The following ULK4 variants were observed in gnomAD, a reference collection of about 807,000 sequenced individuals.
The protein encoded by ULK4 is unc-51 like kinase 4.
A neutral mutation model predicts 160.6 loss-of-function variants in ULK4; 133 were observed. The observed-to-expected ratio is 0.83, with a 90% CI of 0.72 to 0.96. The LOEUF (loss-of-function observed/expected upper bound fraction) is 0.96. Among genes scored for constraint, ULK4 ranks in the 40% least tolerant of loss-of-function variants. ULK4 has a pLI of 0.00. For missense variants in ULK4, 1,580 were observed against 1,499.5 expected, an observed-to-expected ratio of 1.05 and a Z score of -0.89; for synonymous variants, 534 against 539.8, an observed-to-expected ratio of 0.99 and a Z score of 0.15.
intron 19 of ULK4, among the ~76,000 whole-genome samples, chr3:41,817,455 A>C (rs546167556): frequency 1.3e-5 from 2 of 152,306 alleles, no homozygotes; most frequent in Admixed American, 1.3e-4. Flanking sequence ...AAAATTATAA[A>C]ATCATGTTCT....
At chr3:41,914,732 G>A (rs995219064) in intron 8 of ULK4, 1 of 152,118 alleles carries the variant, frequency 6.6e-6, no homozygotes, top group Non-Finnish European at 1.5e-5. Flanking sequence ...AAAATGACCA[G>A]GCAGCCAGGT....
At chr3:41,576,751 A>T (rs112357418) in intron 31 of ULK4, among the ~76,000 whole-genome samples, 1 of 152,236 alleles carries the variant, frequency 6.6e-6, no homozygotes, top group South Asian at 2.1e-4. Context: ...CAGATTTTTT[A>T]TTTTAAGTAA....
chr3:41,453,588 T>C (rs1398273812), intron 34 of ULK4, among the ~76,000 whole-genome samples: 1 of 152,216 alleles, frequency 6.6e-6, no homozygotes, highest in Non-Finnish European at 1.5e-5. Context: ...AACTTCATTT[T>C]ACAGATGAAG....
At chr3:41,436,120 C>T (rs1389234717) in intron 34 of ULK4, among the ~76,000 whole-genome samples, 1 of 152,110 alleles carries the variant, frequency 6.6e-6, no homozygotes, top group South Asian at 2.1e-4. Context: ...ACTTTCAATA[C>T]AGTAGTCAAT....
At chr3:41,286,369 AGTTAACCTGGTAGCTACAT>A (rs1293415001) in intron 35 of ULK4, among the ~76,000 whole-genome samples, 1 of 152,118 alleles carries the variant, frequency 6.6e-6, no homozygotes, top group East Asian at 1.9e-4. Context: ...TTTGGCATTA[AGTTAACCTGGTAGCTACAT>A]GAGGTTGCAT....
chr3:41,781,273 C>T (rs902845225), intron 21 of ULK4, among the ~76,000 whole-genome samples: 5 of 151,862 alleles, frequency 3.3e-5, no homozygotes, highest in East Asian at 3.9e-4. Flanking sequence ...AAAAATTAGC[C>T]GGGCATGGTG....
chr3:41,369,497 A>T (rs1224814799), intron 35 of ULK4, among the ~76,000 whole-genome samples: 7 of 34,612 alleles, frequency 2.0e-4, no homozygotes, highest in Non-Finnish European at 2.9e-4. Flanking sequence ...CCTGTCTTTA[A>T]AAAAAAAAAA....
At chr3:41,365,188 C>T (rs574672715) in intron 35 of ULK4, among the ~76,000 whole-genome samples, 1 of 152,278 alleles carries the variant, frequency 6.6e-6, no homozygotes, top group South Asian at 2.1e-4. Context: ...ATCTGGCTGT[C>T]TTACCAGGGC....
At chr3:41,771,810 T>C (rs1430780669) in intron 21 of ULK4, among the ~76,000 whole-genome samples, 4 of 152,234 alleles carry the variant, frequency 2.6e-5, no homozygotes, top group Admixed American at 2.0e-4. Context: ...AATCCTTTTA[T>C]TTAAATTATG....
intron 31 of ULK4, among the ~76,000 whole-genome samples, chr3:41,567,644 T>C (rs570220413): frequency 6.6e-6 from 1 of 152,026 alleles, no homozygotes; most frequent in Admixed American, 6.6e-5. Flanking sequence ...TTTGTATTTT[T>C]AGTAGAGACA....
intron 32 of ULK4, among the ~76,000 whole-genome samples, chr3:41,469,515 C>A (rs2083917150): frequency 6.7e-6 from 1 of 148,666 alleles, no homozygotes; most frequent in South Asian, 2.1e-4. Context: ...ATCTAGAGAG[C>A]CCAAAGCAAG....
chr3:41,631,564 C>T (rs1461150762), intron 30 of ULK4, among the ~76,000 whole-genome samples: 1 of 152,136 alleles, frequency 6.6e-6, no homozygotes, highest in Non-Finnish European at 1.5e-5. Context: ...AAAGCAAATA[C>T]TTTCCAACAG....
chr3:41,496,777 G>C (rs1047301543), intron 32 of ULK4, among the ~76,000 whole-genome samples: 12 of 152,064 alleles, frequency 7.9e-5, no homozygotes, highest in African/African-American at 2.4e-4. Context: ...AGAGAGAAAA[G>C]ATCTCCCTAA....
intron 30 of ULK4, among the ~76,000 whole-genome samples, chr3:41,627,509 A>G (rs987972783): frequency 9.2e-5 from 14 of 152,208 alleles, no homozygotes; most frequent in African/African-American, 4.8e-5. Flanking sequence ...GTCATCTCCA[A>G]AGGGATTCTC....
At chr3:41,562,199 A>T (rs1575417310) in intron 32 of ULK4, among the ~76,000 whole-genome samples, 2 of 152,122 alleles carry the variant, frequency 1.3e-5, no homozygotes, top group East Asian at 3.8e-4. Context: ...CCTGAGTTCT[A>T]ATTTGATTGT....
At chr3:41,298,408 A>G (rs1026260429) in intron 35 of ULK4, among the ~76,000 whole-genome samples, 2 of 152,204 alleles carry the variant, frequency 1.3e-5, no homozygotes, top group African/African-American at 4.8e-5. Flanking sequence ...CAAAACTTCA[A>G]CACTGTTCCA....
intron 30 of ULK4, among the ~76,000 whole-genome samples, chr3:41,616,415 G>GT (rs1390149187): frequency 3.3e-5 from 5 of 152,192 alleles, no homozygotes; most frequent in Admixed American, 6.5e-5. Flanking sequence ...CAGAAGGCAG[G>GT]TATTTCTGCA....
At chr3:41,340,748 G>A (rs2080664934) in intron 35 of ULK4, among the ~76,000 whole-genome samples, 1 of 152,148 alleles carries the variant, frequency 6.6e-6, no homozygotes, top group African/African-American at 2.4e-5. Context: ...GATCTCCAAA[G>A]GTTCTTTCGT....
At chr3:41,292,490 CA>C (rs2079589152) in intron 35 of ULK4, among the ~76,000 whole-genome samples, 2 of 152,016 alleles carry the variant, frequency 1.3e-5, no homozygotes, top group South Asian at 4.1e-4. Context: ...ACTAAAAATA[CA>C]AAAAATTAGC....
Sources: gnomAD v4.1 joint callset for allele counts (sites outside exome capture counted in the v4.1 genomes callset) on GRCh38, gnomAD v4.1.1 for gene constraint, MANE v1.5 for transcripts, NCBI Gene and HGNC (gene_info 2026-07-23, HGNC 2026-07-21) for gene names.